CFTR: variants seen among roughly 807,000 people sequenced by gnomAD.
The protein encoded by CFTR is cystic fibrosis transmembrane conductance regulator.
A neutral mutation model predicts 171.6 loss-of-function variants in CFTR; 181 were observed. That is an observed-to-expected ratio of 1.05 (90% CI 0.93 to 1.19). The LOEUF (loss-of-function observed/expected upper bound fraction) is 1.19, where lower values mean the gene tolerates loss of function less well. CFTR is among the 50% of genes most tolerant of loss of function. The probability of loss-of-function intolerance (pLI) is 0.00; values close to 1 mark genes in which losing one functional copy is unlikely to be tolerated. For missense variants in CFTR, 1,968 were observed against 1,734.7 expected (o/e 1.13, Z -2.39); for synonymous variants, 583 against 608.0 (o/e 0.96, Z 0.60).
At position 117,531,090 on chromosome 7, in the gene CFTR, T is replaced by A; in HGVS notation, c.465T>A (p.Ala155=). The part of the protein sequence containing the change: ...LHHIGMQMRI[A]MFSLIYKKTL... ...ACATTGGAATGCAGATGAGAATAGCTATGTTTAGTTTGATTTATAAGAAGG... is the reference window on the plus strand; with the variant it reads ...ACATTGGAATGCAGATGAGAATAGCAATGTTTAGTTTGATTTATAAGAAGG... Residue 155 remains alanine, a synonymous_variant, in exon 4 of 27, where the codon GCT becomes GCA. Coordinates refer to ENST00000003084, the MANE Select transcript of CFTR (RefSeq NM_000492.4). 6.2e-7 allele frequency: 1 copy of A among 1,613,280 alleles called. No homozygotes were observed. Among genetic ancestry groups the A allele is most frequent in the Non-Finnish European group, 8.5e-7 (1 of 1,179,582 alleles).
chr7:117,552,845 C>G (rs1387334059), intron 10 of CFTR, among the ~76,000 whole-genome samples: 1 of 152,184 alleles, frequency 6.6e-6, no homozygotes, highest in Non-Finnish European at 1.5e-5. Flanking sequence ...CACATATGTT[C>G]AGACTGCTGA....
At chr7:117,664,570 G>A (rs1793337228) in intron 24 of CFTR, 118 bp from the exon 25 acceptor site, 3 of 892,414 alleles carry the variant, frequency 3.4e-6, no homozygotes, top group African/African-American at 3.3e-5. Context: ...AGGTAGTGGG[G>A]GTAGAGGGAT....
At chr7:117,486,106 T>C (rs1798070255) in intron 1 of CFTR, among the ~76,000 whole-genome samples, 1 of 152,186 alleles carries the variant, frequency 6.6e-6, no homozygotes, top group African/African-American at 2.4e-5. Flanking sequence ...TTAGCCTTTG[T>C]AGGATAGCAT....
chr7:117,552,085 CAT>C (rs567583389), intron 10 of CFTR, among the ~76,000 whole-genome samples: 9 of 151,914 alleles, frequency 5.9e-5, no homozygotes, highest in African/African-American at 2.2e-4. Context: ...TACACACACA[CAT>C]ATATATATGA....
intron 21 of CFTR, among the ~76,000 whole-genome samples, chr7:117,620,892 A>C (rs2116112222): frequency 6.6e-6 from 1 of 152,256 alleles, no homozygotes; most frequent in East Asian, 1.9e-4. Context: ...GGATCACTTG[A>C]GAATAGGAGT....
intron 6 of CFTR, among the ~76,000 whole-genome samples, chr7:117,535,648 C>A (rs1798941708): frequency 6.6e-6 from 1 of 151,304 alleles, no homozygotes; most frequent in South Asian, 2.1e-4. Context: ...AATTCTCCTG[C>A]CTCAGCCTCC....
rs1382782064 is a variant in CFTR at position 117,667,837 on chromosome 7, A to G, written c.*729A>G. ...ATCCCTTACCTGGGAAAGGGCTGTTATAATCTTTCACAGGGGACAGGATGG... is the reference window on the plus strand; with the variant it reads ...ATCCCTTACCTGGGAAAGGGCTGTTGTAATCTTTCACAGGGGACAGGATGG... On this transcript the variant is annotated 3_prime_UTR_variant, in exon 27 of 27. Coordinates refer to ENST00000003084, the MANE Select transcript of CFTR (RefSeq NM_000492.4). The G allele has an allele frequency of 1.9e-5, 3 of 154,228 alleles. No individual in the cohort carries two copies. The highest frequency in any genetic ancestry group is 4.1e-4 in the South Asian group (2 of 4,938). 9.6% of individuals were successfully genotyped at this position (154,228 alleles called of 1,614,324 possible). A position where few individuals can be genotyped will look rare whatever the true frequency, so the allele number is the denominator to read the frequency against.
chr7:117,530,879 C>T lies in CFTR; in HGVS notation c.274-20C>T. 4.0e-6 allele frequency: 6 copies of T among 1,490,910 alleles called. No homozygotes were observed. Among genetic ancestry groups the T allele is most frequent in the Non-Finnish European group, 5.6e-6 (6 of 1,069,768 alleles). 92.4% of individuals were successfully genotyped at this position (1,490,910 alleles called of 1,614,324 possible). On this transcript the variant is annotated intron_variant, in intron 3 of 26. Coordinates refer to ENST00000003084, the MANE Select transcript of CFTR (RefSeq NM_000492.4). ...GAGAAATAAATGAAATTTAATTTCT[C>T]TGTTTTTCCCCTTTTGTAGGAAGTC...
chr7:117,612,019 A>ATATATATG lies in CFTR; in HGVS notation c.3367+214_3367+215insATATGTAT, dbSNP rs1366289550. ...TCCTTGAAATCGGATATATATATAT[A>ATATATATG]TATGTATATATATATATATATATAT... On this transcript the variant is annotated intron_variant, in intron 20 of 26. Transcript: ENST00000003084. Among the ~76,000 whole-genome samples the ATATATATG allele has an allele frequency of 1.4e-3, 65 of 44,962 alleles. 2 individuals are homozygous for ATATATATG. Among genetic ancestry groups the ATATATATG allele is most frequent in the African/African-American group, 7.3e-3 (57 of 7,802 alleles). The allele number at this position is 44,962 out of a possible 152,430, so 29.5% of individuals were successfully genotyped here.
chr7:117,640,828 A>C (rs1666665688), intron 22 of CFTR, among the ~76,000 whole-genome samples: 1 of 152,170 alleles, frequency 6.6e-6, no homozygotes, highest in South Asian at 2.1e-4. Flanking sequence ...AAATTACATA[A>C]GTTCATTCAT....
intron 13 of CFTR, among the ~76,000 whole-genome samples, chr7:117,590,862 G>A (rs1474957092): frequency 6.6e-6 from 1 of 151,898 alleles, no homozygotes; most frequent in African/African-American, 2.4e-5. Flanking sequence ...GGTTTAATAT[G>A]CTTAGACTAC....
In CFTR at chr7:117,566,248, A is replaced by AACACACACACAC. The variant is rs71314621; in HGVS notation, c.1584+6620_1584+6631dup. 5.0e-3 allele frequency among the ~76,000 whole-genome samples: 692 copies of AACACACACACAC among 138,874 alleles called. 2 individuals are homozygous for AACACACACACAC. The highest frequency in any genetic ancestry group is 8.9e-3 in the African/African-American group (330 of 36,908). 91.1% of individuals were successfully genotyped at this position (138,874 alleles called of 152,430 possible). ...CAGGAGTTCAAGACCAGCCTACTAA[A>AACACACACACAC]ACACACACACACACACACACACACA... On this transcript the variant is annotated intron_variant, in intron 11 of 26. Coordinates refer to ENST00000003084, the MANE Select transcript of CFTR (RefSeq NM_000492.4).
At position 117,652,803 on chromosome 7, in the gene CFTR, G is replaced by C. The variant is rs1408365505; in HGVS notation, c.3874-39G>C. On this transcript the variant is annotated intron_variant, in intron 23 of 26. Transcript: ENST00000003084. ...AAGGGAAAAATAAAAAGTTATTTAA[G>C]TTATTCATACTTTCTTCTTCTTTTC... is the stretch of plus-strand genomic sequence containing the variant. The C allele has an allele frequency of 1.0e-5, 10 of 982,712 alleles. No individual in the cohort carries two copies. In the South Asian group the frequency reaches 1.4e-4, roughly 14 times the overall value. The allele number at this position is 982,712 out of a possible 1,614,324, so 60.9% of individuals were successfully genotyped here. A position where few individuals can be genotyped will look rare whatever the true frequency, so the allele number is the denominator to read the frequency against.
intron 3 of CFTR, among the ~76,000 whole-genome samples, chr7:117,516,296 A>G (rs1449903441): frequency 2.0e-5 from 3 of 152,010 alleles, no homozygotes; most frequent in African/African-American, 7.2e-5. Flanking sequence ...TTATTTTATG[A>G]TCTTAAGCAA....
chr7:117,645,469 A>C (rs1431364047), intron 23 of CFTR, among the ~76,000 whole-genome samples: 1 of 152,220 alleles, frequency 6.6e-6, no homozygotes, highest in Admixed American at 6.5e-5. Flanking sequence ...TCATGGTTCA[A>C]GGCATGGGCC....
At chr7:117,622,497 G>A (rs1233527015) in intron 21 of CFTR, among the ~76,000 whole-genome samples, 1 of 152,100 alleles carries the variant, frequency 6.6e-6, no homozygotes, top group Non-Finnish European at 1.5e-5. Context: ...CCTGTAAACT[G>A]TGTGACTTTT....
chr7:117,651,416 T>C (rs1793087981), intron 23 of CFTR, among the ~76,000 whole-genome samples: 1 of 152,212 alleles, frequency 6.6e-6, no homozygotes, highest in South Asian at 2.1e-4. Context: ...CTGCTTCTTG[T>C]TTAATTCTCT....
chr7:117,592,597 A>T lies in CFTR; in HGVS notation c.2430A>T (p.Arg810Ser). Residue 810 changes from arginine to serine, a missense_variant, in exon 14 of 27, where the codon AGA becomes AGT. By Grantham distance (110) the Arg-to-Ser change is moderately radical. Coordinates refer to ENST00000003084, the MANE Select transcript of CFTR (RefSeq NM_000492.4). ...ANLTELDIYS[R>S]RLSQETGLEI... ...TGACTGAACTGGATATATATTCAAG[A>T]AGGTTATCTCAAGAAACTGGCTTGG... 3 of 1,528,036 alleles carry T rather than the reference A, an allele frequency of 2.0e-6. No individual in the cohort carries two copies. Among genetic ancestry groups the T allele is most frequent in the Non-Finnish European group, 2.6e-6 (3 of 1,144,912 alleles). The allele number at this position is 1,528,036 out of a possible 1,614,324, so 94.7% of individuals were successfully genotyped here.
chr7:117,586,764 G>A (rs1791939962), intron 11 of CFTR, among the ~76,000 whole-genome samples: 1 of 151,974 alleles, frequency 6.6e-6, no homozygotes, highest in Non-Finnish European at 1.5e-5. Flanking sequence ...GAGGAGAAAA[G>A]GGAGAGAGAC....
Sources: allele counts gnomAD v4.1 joint callset (sites outside exome capture counted in the v4.1 genomes callset), GRCh38; gene constraint gnomAD v4.1.1; transcripts MANE v1.5; gene names NCBI Gene and HGNC (gene_info 2026-07-23, HGNC 2026-07-21).